VANGL2: variants seen among roughly 807,000 people sequenced by gnomAD.
VANGL2 encodes vang-like protein 2.
VANGL2 carries 14 observed loss-of-function variants against 50.2 expected under a neutral mutation model. The observed-to-expected ratio is 0.28, with a 90% CI of 0.18 to 0.44. VANGL2 has a LOEUF of 0.44. Among genes scored for constraint, VANGL2 ranks in the 20% least tolerant of loss-of-function variants. The pLI is 1.00. For synonymous variants in VANGL2, 295 were observed against 297.2 expected, an observed-to-expected ratio of 0.99 and a Z score of 0.08; for missense variants, 533 against 701.5, an observed-to-expected ratio of 0.76 and a Z score of 2.71.
At chr1:160,414,541 G>A (rs1164606892) in intron 1 of VANGL2, among the ~76,000 whole-genome samples, 1 of 152,150 alleles carries the variant, frequency 6.6e-6, no homozygotes, top group Non-Finnish European at 1.5e-5. Flanking sequence ...TTGCTGTTCT[G>A]CCCTTCCATC....
intron 1 of VANGL2, among the ~76,000 whole-genome samples, chr1:160,404,954 A>C (rs1308721593): frequency 6.6e-6 from 1 of 152,170 alleles, no homozygotes; most frequent in Non-Finnish European, 1.5e-5. Context: ...CTATAAAACA[A>C]AGTTAATCAT....
intron 6 of VANGL2, among the ~76,000 whole-genome samples, chr1:160,423,276 A>C (rs1002928967): frequency 2.0e-5 from 3 of 151,970 alleles, no homozygotes; most frequent in African/African-American, 7.3e-5. Context: ...TTTGAGATTC[A>C]TCCAAGTTGT....
rs985025494 is a variant in VANGL2 at position 160,427,978 on chromosome 1, A to T, written c.*2600A>T. The T allele has an allele frequency of 6.6e-6, 1 of 151,960 alleles. No homozygotes were observed. The highest frequency in any genetic ancestry group is 1.5e-5 in the Non-Finnish European group (1 of 67,938). 9.4% of individuals were successfully genotyped at this position (151,960 alleles called of 1,614,324 possible). On this transcript the variant is annotated 3_prime_UTR_variant, in exon 8 of 8. Coordinates refer to ENST00000368061, the MANE Select transcript of VANGL2 (RefSeq NM_020335.3). ...GCCTCAGTCCTTCACCTACCTCGCCACTCTGCCACTGTCCCCATTGGTCCT... is the reference window on the plus strand; with the variant it reads ...GCCTCAGTCCTTCACCTACCTCGCCTCTCTGCCACTGTCCCCATTGGTCCT...
chr1:160,408,432 T>C (rs1557905618), intron 1 of VANGL2, among the ~76,000 whole-genome samples: 1 of 152,150 alleles, frequency 6.6e-6, no homozygotes. Context: ...TGAGGTAGAA[T>C]GCAAGCTCAG....
chr1:160,423,210 A>G (rs1025881419), intron 6 of VANGL2, among the ~76,000 whole-genome samples: 3 of 152,002 alleles, frequency 2.0e-5, no homozygotes, highest in African/African-American at 4.8e-5. Context: ...CCGGCCATCT[A>G]TATGCTTTTA....
At chr1:160,421,363 C>T (rs761289391) in intron 6 of VANGL2, among the ~76,000 whole-genome samples, 176 bp downstream of exon 6, 12 of 152,204 alleles carry the variant, frequency 7.9e-5, no homozygotes, top group Non-Finnish European at 1.5e-4. Context: ...AGCTGTGAAA[C>T]AGCACACATT....
chr1:160,425,007 A>G (rs1004991850), intron 7 of VANGL2, 111 bp from the exon 8 acceptor site: 17 of 1,480,028 alleles, frequency 1.1e-5, no homozygotes, highest in Non-Finnish European at 8.5e-6. Context: ...GTTCATATGC[A>G]TAGAGTGAGC....
chr1:160,421,314 T>C (rs1557911947), intron 6 of VANGL2, 127 bp downstream of exon 6: 1 of 1,270,030 alleles, frequency 7.9e-7, no homozygotes, highest in Non-Finnish European at 1.1e-6. Flanking sequence ...TGTGTGCTTG[T>C]TTTCCGTTGC....
chr1:160,411,697 T>C (rs867098185), intron 1 of VANGL2, among the ~76,000 whole-genome samples: 1 of 152,164 alleles, frequency 6.6e-6, no homozygotes, highest in African/African-American at 2.4e-5. Flanking sequence ...GCAGGATTCA[T>C]GTTGAGTCTT....
chr1:160,418,458 GT>G (rs1234487986), intron 3 of VANGL2, among the ~76,000 whole-genome samples: 1,484 of 141,476 alleles, frequency 0.01, 29 homozygotes, highest in African/African-American at 0.034. Flanking sequence ...GGAGTTTTTT[GT>G]TTTTTTTTTT....
intron 1 of VANGL2, among the ~76,000 whole-genome samples, chr1:160,410,101 G>A (rs1165552787): frequency 6.6e-6 from 1 of 152,134 alleles, no homozygotes; most frequent in Non-Finnish European, 1.5e-5. Context: ...CCATTTCCCT[G>A]TGTTCAGGCA....
intron 1 of VANGL2, among the ~76,000 whole-genome samples, chr1:160,411,863 G>GGTGTGT (rs144604516): frequency 6.7e-6 from 1 of 150,282 alleles, no homozygotes; most frequent in Admixed American, 6.6e-5. Flanking sequence ...GGTTCTGGTT[G>GGTGTGT]GTGTGTGTGT....
intron 1 of VANGL2, among the ~76,000 whole-genome samples, chr1:160,407,350 T>G (rs1243899146): frequency 2.6e-5 from 4 of 151,870 alleles, no homozygotes; most frequent in African/African-American, 9.7e-5. Flanking sequence ...CAACAGGAGG[T>G]TCTCAGGATG....
At position 160,419,227 on chromosome 1, in the gene VANGL2, C is replaced by A. The variant is rs1212134349; in HGVS notation, c.418C>A (p.Pro140Thr). The change falls in exon 4 of 8, where the codon CCT (proline) becomes ACT (threonine). Residue 140 changes from proline to threonine, a missense_variant. Transcript: ENST00000368061. This position sits in a 1 kb window ranked among gnomAD's most constrained non-coding sequence, Gnocchi z 5.8. ...PPLLWREELE[P>T]CGTACEGLFI... The stretch of plus-strand genomic sequence containing the variant: ...ACTGCTGTGGCGGGAGGAGCTGGAG[C>A]CTTGCGGGACGGCCTGCGAGGGCCT... The A allele has an allele frequency of 1.2e-6, 2 of 1,610,352 alleles. No individual in the cohort carries two copies. The highest frequency in any genetic ancestry group is 1.7e-6 in the Non-Finnish European group (2 of 1,179,956).
chr1:160,401,002 G>A (rs1650439269), intron 1 of VANGL2, 133 bp downstream of exon 1: 1 of 152,506 alleles, frequency 6.6e-6, no homozygotes, highest in African/African-American at 2.4e-5. Context: ...GAGCGAGCGG[G>A]GTGGCTTATG....
In VANGL2 at chr1:160,425,516, C is replaced by T; in HGVS notation, c.*138C>T. 1 of 794,620 alleles carries T rather than the reference C, an allele frequency of 1.3e-6. No individual in the cohort carries two copies. Among genetic ancestry groups the T allele is most frequent in the South Asian group, 1.9e-5 (1 of 52,682 alleles). The allele number at this position is 794,620 out of a possible 1,614,324, so 49.2% of individuals were successfully genotyped here. On this transcript the variant is annotated 3_prime_UTR_variant, in exon 8 of 8. Coordinates refer to ENST00000368061, the MANE Select transcript of VANGL2 (RefSeq NM_020335.3). ...TTTTTTACTTGAATTAACGCACCCC[C>T]ACCTTCTCTCCTCGCTTCTTCCTTA...
Position 160,421,146 on chromosome 1 carries a change from G to T in VANGL2, c.1032G>T (p.Glu344Asp). ...RDNSHNEYYY[E>D]EAEHERRVRK... ...ACAGTCACAATGAGTACTACTATGA[G>T]GAGGCTGAGCATGAGCGAAGGGTGC... is the stretch of plus-strand genomic sequence containing the variant. Residue 344 changes from glutamate (E) to aspartate (D), a missense_variant, in exon 6 of 8, where the codon GAG becomes GAT. Transcript: ENST00000368061. 6.2e-7 allele frequency: 1 copy of T among 1,614,068 alleles called. No individual in the cohort carries two copies. The highest frequency in any genetic ancestry group is 8.5e-7 in the Non-Finnish European group (1 of 1,180,046).
intron 1 of VANGL2, among the ~76,000 whole-genome samples, chr1:160,405,877 A>G (rs987322948): frequency 3.4e-4 from 52 of 152,122 alleles, no homozygotes; most frequent in African/African-American, 1.3e-3. Flanking sequence ...CAGTACCTGG[A>G]TGTGGTCTAA....
intron 1 of VANGL2, among the ~76,000 whole-genome samples, chr1:160,401,926 G>A (rs1650479311): frequency 6.6e-6 from 1 of 152,024 alleles, no homozygotes; most frequent in Non-Finnish European, 1.5e-5. Flanking sequence ...GCCTGCCTTA[G>A]CTGGTATGTA....
Sources: gnomAD v4.1 joint callset for allele counts (sites outside exome capture counted in the v4.1 genomes callset) on GRCh38, gnomAD v4.1.1 for gene constraint, Gnocchi (gnomAD v3.1) non-coding constraint, MANE v1.5 for transcripts, NCBI Gene and HGNC (gene_info 2026-07-23, HGNC 2026-07-21) for gene names.